NAALADL2: variants seen among roughly 807,000 people sequenced by gnomAD.
NAALADL2 encodes the protein N-acetylated alpha-linked acidic dipeptidase like 2.
Under a neutral mutation model 87.2 loss-of-function variants are expected in NAALADL2, and 76 were observed. The ratio of observed to expected loss-of-function variants is 0.87; its 90% CI spans 0.72 to 1.05. The LOEUF is 1.05. NAALADL2 is among the 50% of genes least tolerant of loss of function. The pLI is 0.00. For synonymous variants in NAALADL2, 354 were observed against 331.0 expected (o/e 1.07, Z -0.75); for missense variants, 1,089 against 945.8 (o/e 1.15, Z -1.99).
chr3:175,387,812 A>C (rs890545824), intron 5 of NAALADL2, among the ~76,000 whole-genome samples: 3 of 152,064 alleles, frequency 2.0e-5, no homozygotes, highest in African/African-American at 7.2e-5. Flanking sequence ...TGTGTTGTCT[A>C]TTTATTATAT....
chr3:175,047,683 A>G (rs1754851917), intron 1 of NAALADL2, among the ~76,000 whole-genome samples: 1 of 152,202 alleles, frequency 6.6e-6, no homozygotes, highest in Non-Finnish European at 1.5e-5. Flanking sequence ...GACTCATCAG[A>G]TTAATTTTTC....
intron 2 of NAALADL2, among the ~76,000 whole-genome samples, chr3:174,635,726 C>A (rs1396267218): frequency 6.6e-6 from 1 of 152,124 alleles, no homozygotes; most frequent in Non-Finnish European, 1.5e-5. Flanking sequence ...TGGTCTGGAA[C>A]TCCTGATCTC....
intron 1 of NAALADL2, among the ~76,000 whole-genome samples, chr3:174,935,993 C>CA (rs569224511): frequency 6.6e-6 from 1 of 151,958 alleles, no homozygotes; most frequent in Non-Finnish European, 1.5e-5. Flanking sequence ...ATTCATTTTG[C>CA]AAAAATGATA....
chr3:174,762,012 C>G (rs2109074760), intron 3 of NAALADL2, among the ~76,000 whole-genome samples: 1 of 152,174 alleles, frequency 6.6e-6, no homozygotes, highest in Admixed American at 6.5e-5. Flanking sequence ...AGTTATACAT[C>G]TCTGGGCTGG....
intron 3 of NAALADL2, among the ~76,000 whole-genome samples, chr3:175,236,397 A>AAATT (rs1454180404): frequency 6.6e-6 from 1 of 151,736 alleles, no homozygotes; most frequent in Non-Finnish European, 1.5e-5. Context: ...AAAATACAAA[A>AAATT]AATTAACCGG....
chr3:175,343,698 G>A (rs57028661), intron 5 of NAALADL2, among the ~76,000 whole-genome samples: 2,481 of 117,836 alleles, frequency 0.021, 95 homozygotes, highest in African/African-American at 0.071. Flanking sequence ...GATCAAACTA[G>A]GAAACTGGGG....
At chr3:174,794,359 T>TC (rs1422773779) in intron 3 of NAALADL2, among the ~76,000 whole-genome samples, 1 of 152,062 alleles carries the variant, frequency 6.6e-6, no homozygotes, top group African/African-American at 2.4e-5. Flanking sequence ...GTTATATAAA[T>TC]CCGAACTAAT....
At chr3:175,360,502 T>G (rs1764864352) in intron 5 of NAALADL2, among the ~76,000 whole-genome samples, 1 of 152,072 alleles carries the variant, frequency 6.6e-6, no homozygotes, top group Admixed American at 6.6e-5. Context: ...CATGTTGGTG[T>G]CTTCATTTTG....
chr3:174,999,938 C>T (rs1748007450), intron 1 of NAALADL2, among the ~76,000 whole-genome samples: 1 of 151,880 alleles, frequency 6.6e-6, no homozygotes, highest in Admixed American at 6.6e-5. Context: ...TCTTAATTAC[C>T]TTTTCTTGGT....
At chr3:174,639,461 A>G (rs917959702) in intron 2 of NAALADL2, among the ~76,000 whole-genome samples, 1 of 152,178 alleles carries the variant, frequency 6.6e-6, no homozygotes, top group Non-Finnish European at 1.5e-5. Context: ...GTGACATCAC[A>G]CTGGGAGTTT....
chr3:175,710,794 C>A (rs1211308807), intron 11 of NAALADL2, among the ~76,000 whole-genome samples: 1 of 151,532 alleles, frequency 6.6e-6, no homozygotes. Context: ...TTCTTTTGTA[C>A]CCTCACCATT....
At chr3:174,634,489 T>C (rs1029664013) in intron 2 of NAALADL2, among the ~76,000 whole-genome samples, 1 of 152,170 alleles carries the variant, frequency 6.6e-6, no homozygotes, top group African/African-American at 2.4e-5. Context: ...ACAGTTGCAT[T>C]TGATGTAAAA....
intron 1 of NAALADL2, among the ~76,000 whole-genome samples, chr3:174,996,705 TGGTGACGTCTGAGATCTTTGTGCACCA>T (rs1156963158): frequency 2.8e-4 from 42 of 152,250 alleles, no homozygotes; most frequent in African/African-American, 9.6e-4. Flanking sequence ...AGTTCTTTTG[TGGTGACGTCTGAGATCTTTGTGCACCA>T]GTCACCCAAG....
At chr3:174,931,812 A>G (rs1033139952) in intron 1 of NAALADL2, among the ~76,000 whole-genome samples, 6 of 152,196 alleles carry the variant, frequency 3.9e-5, no homozygotes, top group African/African-American at 7.2e-5. Context: ...ACTAGATCCT[A>G]TGGTGTGAGG....
At chr3:175,102,976 G>T (rs1430262946) in intron 2 of NAALADL2, among the ~76,000 whole-genome samples, 3 of 152,004 alleles carry the variant, frequency 2.0e-5, no homozygotes, top group Non-Finnish European at 2.9e-5. Context: ...GGGCATGGTG[G>T]CATGGGCCTG....
At chr3:174,467,470 A>G (rs1716606744) in intron 1 of NAALADL2, among the ~76,000 whole-genome samples, 1 of 151,798 alleles carries the variant, frequency 6.6e-6, no homozygotes, top group African/African-American at 2.4e-5. Context: ...GCGGATGCCT[A>G]TAATCCCAGC....
intron 5 of NAALADL2, among the ~76,000 whole-genome samples, chr3:175,349,917 A>G (rs139728509): frequency 1.2e-4 from 19 of 152,030 alleles, no homozygotes; most frequent in Non-Finnish European, 1.5e-4. Context: ...AAGTTGGATG[A>G]CTGTTTATTC....
At chr3:174,842,526 G>A (rs1423421575) in intron 3 of NAALADL2, among the ~76,000 whole-genome samples, 1 of 152,086 alleles carries the variant, frequency 6.6e-6, no homozygotes, top group East Asian at 1.9e-4. Context: ...AAATGTTATG[G>A]CATTTAAGAT....
At chr3:175,718,673 C>G in intron 11 of NAALADL2, 2 of 1,558,692 alleles carry the variant, frequency 1.3e-6, no homozygotes, top group Non-Finnish European at 1.8e-6. Flanking sequence ...TGCCATCTTG[C>G]GTTTTCTTGT....
Sources: gnomAD v4.1 joint callset for allele counts (sites outside exome capture counted in the v4.1 genomes callset) on GRCh38, gnomAD v4.1.1 for gene constraint, MANE v1.5 for transcripts, NCBI Gene and HGNC (gene_info 2026-07-23, HGNC 2026-07-21) for gene names.